TPTE: variants seen among roughly 807,000 people sequenced by gnomAD.
TPTE encodes the protein putative tyrosine-protein phosphatase TPTE.
Under a neutral mutation model 84.1 loss-of-function variants are expected in TPTE, and 59 were observed. The ratio of observed to expected loss-of-function variants is 0.70; its 90% CI spans 0.57 to 0.87. TPTE has a LOEUF of 0.87. Among genes scored for constraint, TPTE ranks in the 40% least tolerant of loss-of-function variants. TPTE has a pLI of 0.00. For synonymous variants in TPTE, 130 were observed against 223.5 expected, an observed-to-expected ratio of 0.58 and a Z score of 3.73; for missense variants, 382 against 659.6, an observed-to-expected ratio of 0.58 and a Z score of 4.61.
intron 8 of TPTE, among the ~76,000 whole-genome samples, chr21:10,556,766 T>C (rs1419097053): frequency 6.6e-6 from 1 of 152,310 alleles, no homozygotes; most frequent in Non-Finnish European, 1.5e-5. Context: ...TCATTGTGGT[T>C]TTGATTTGCA....
chr21:10,593,448 A>G (rs1233394790), intron 19 of TPTE, among the ~76,000 whole-genome samples: 866 of 151,014 alleles, frequency 5.7e-3, no homozygotes, highest in Non-Finnish European at 1.0e-2. Flanking sequence ...TGTGTCTCCT[A>G]AGTCTCTTTT....
At chr21:10,592,805 G>GGTTTGT (rs1555820854) in intron 19 of TPTE, among the ~76,000 whole-genome samples, 143 of 148,876 alleles carry the variant, frequency 9.6e-4, no homozygotes, top group Non-Finnish European at 1.6e-3. Flanking sequence ...GATGACTCCT[G>GGTTTGT]GTGTGTGTGT....
chr21:10,546,369 G>C (rs2145632008), intron 7 of TPTE, among the ~76,000 whole-genome samples: 1 of 152,412 alleles, frequency 6.6e-6, no homozygotes, highest in African/African-American at 2.4e-5. Flanking sequence ...CCTTCTCCTT[G>C]GGCCTCCCTA....
chr21:10,576,370 C>T (rs1314995303), intron 14 of TPTE: 2 of 237,670 alleles, frequency 8.4e-6, no homozygotes, highest in South Asian at 5.3e-5. Flanking sequence ...GAAGCAAGCA[C>T]AAGACTGAGC....
intron 10 of TPTE, among the ~76,000 whole-genome samples, chr21:10,567,107 T>TA (rs574386155): frequency 0.012 from 1,476 of 124,162 alleles, no homozygotes; most frequent in Middle Eastern, 0.016. Flanking sequence ...TATGGGGCTC[T>TA]AAAAAAAAAA....
At chr21:10,581,131 T>C (rs2075263981) in intron 17 of TPTE, among the ~76,000 whole-genome samples, 1 of 152,310 alleles carries the variant, frequency 6.6e-6, no homozygotes, top group East Asian at 1.9e-4. Context: ...GTTCTGTGTT[T>C]AGCTGTATAT....
chr21:10,596,840 C>A lies in TPTE; in HGVS notation c.1276+753C>A, dbSNP rs546959600. Among the ~76,000 whole-genome samples, 19 of 152,420 alleles carry A rather than the reference C, an allele frequency of 1.2e-4. No homozygotes were observed. The South Asian group carries it at 3.7e-3, about 30-fold the overall frequency. ...TTTTAGCCTTCTGAGTTTAGTTCTA[C>A]ATTTCACTGATTTCTGGTAGACATC... On this transcript the variant is annotated intron_variant, in intron 20 of 23. Coordinates refer to ENST00000618007, the MANE Select transcript of TPTE (RefSeq NM_199261.4).
intron 7 of TPTE, among the ~76,000 whole-genome samples, chr21:10,546,021 A>G (rs2074461153): frequency 6.6e-6 from 1 of 152,292 alleles, no homozygotes; most frequent in Non-Finnish European, 1.5e-5. Flanking sequence ...ATATGCAGGT[A>G]TATCTTGTTT....
intron 4 of TPTE, chr21:10,540,652 T>A (rs1465148583): frequency 1.9e-6 from 1 of 519,118 alleles, no homozygotes; most frequent in Non-Finnish European, 3.9e-6. Flanking sequence ...CCTTTGCCCA[T>A]ACCCACTCTC....
intron 21 of TPTE, among the ~76,000 whole-genome samples, chr21:10,599,679 C>T (rs1457866295): frequency 6.6e-6 from 1 of 152,308 alleles, no homozygotes; most frequent in South Asian, 2.1e-4. Context: ...CTCTTGAGCT[C>T]TGAAGATATA....
chr21:10,566,503 G>GGGT (rs2074924420), intron 10 of TPTE, among the ~76,000 whole-genome samples: 1 of 152,306 alleles, frequency 6.6e-6, no homozygotes, highest in Non-Finnish European at 1.5e-5. Context: ...TCCCACTGCT[G>GGGT]GGTAGATACC....
intron 18 of TPTE, 89 bp downstream of exon 18, chr21:10,590,612 T>A: frequency 6.3e-7 from 1 of 1,586,196 alleles, no homozygotes. Flanking sequence ...GATGATTATT[T>A]TAGTCATGGT....
At chr21:10,543,210 T>C in intron 6 of TPTE, 119 bp from the exon 7 acceptor site, 1 of 1,349,100 alleles carries the variant, frequency 7.4e-7, no homozygotes, top group Non-Finnish European at 9.9e-7. Flanking sequence ...TTTTTTGTAT[T>C]TTTAGTAGAG....
intron 17 of TPTE, among the ~76,000 whole-genome samples, chr21:10,583,915 T>C (rs1330003244): frequency 1.9e-4 from 29 of 152,262 alleles, no homozygotes; most frequent in African/African-American, 6.5e-4. Context: ...TGTAGCTTTC[T>C]AATATGTCCT....
intron 17 of TPTE, 37 bp downstream of exon 17, chr21:10,578,642 A>G (rs777134405): frequency 6.2e-7 from 1 of 1,611,912 alleles, no homozygotes. Context: ...CCATTTCTAA[A>G]GACATGTAAA....
chr21:10,537,399 C>G (rs1209136535), intron 3 of TPTE, among the ~76,000 whole-genome samples: 9 of 152,428 alleles, frequency 5.9e-5, no homozygotes, highest in African/African-American at 2.2e-4. Context: ...AATATAGAGG[C>G]TGGCCGTGGT....
At chr21:10,538,370 C>T (rs2074305440) in intron 3 of TPTE, among the ~76,000 whole-genome samples, 1 of 152,312 alleles carries the variant, frequency 6.6e-6, no homozygotes, top group Non-Finnish European at 1.5e-5. Context: ...GGGCTGACTA[C>T]CTCCACACAA....
At chr21:10,556,915 T>C (rs1488071729) in intron 8 of TPTE, among the ~76,000 whole-genome samples, 1 of 152,308 alleles carries the variant, frequency 6.6e-6, no homozygotes, top group African/African-American at 2.4e-5. Flanking sequence ...GTAAATTTGT[T>C]TGAGTTCTTT....
Position 10,551,433 on chromosome 21 carries a change from A to AT in TPTE, c.174-1224_174-1223insT, listed in dbSNP as rs1293349483. Among the ~76,000 whole-genome samples, 17 of 2,462 alleles carry AT rather than the reference A, an allele frequency of 6.9e-3. No individual in the cohort carries two copies. In the South Asian group the frequency reaches 0.17, roughly 25 times the overall value. 1.6% of individuals were successfully genotyped at this position (2,462 alleles called of 152,430 possible). ...ATATGTACCCTAGAACTTAAAGTAT[A>AT]AAAAAAAAAGTATATTTTTAGCAAT... On this transcript the variant is annotated intron_variant, in intron 7 of 23. Transcript: ENST00000618007.
Sources: gnomAD v4.1 joint callset for allele counts (sites outside exome capture counted in the v4.1 genomes callset) on GRCh38, gnomAD v4.1.1 for gene constraint, MANE v1.5 for transcripts, NCBI Gene and HGNC (gene_info 2026-07-23, HGNC 2026-07-21) for gene names.